The following ENTREP2 variants were observed in gnomAD, a reference collection of about 807,000 sequenced individuals.
ENTREP2 encodes the protein protein ENTREP2.
the ENTREP2 span, among the ~76,000 whole-genome samples, chr15:29,326,650 C>T: frequency 6.6e-6 from 1 of 152,038 alleles, no homozygotes; most frequent in Non-Finnish European, 1.5e-5. Flanking sequence ...TCAACTAGAT[C>T]TATAAATCCA....
the ENTREP2 span, among the ~76,000 whole-genome samples, chr15:29,507,020 T>C: frequency 6.6e-6 from 1 of 151,976 alleles, no homozygotes; most frequent in Non-Finnish European, 1.5e-5. Context: ...CCATCTCACA[T>C]GCAAAGACAC....
the ENTREP2 span, among the ~76,000 whole-genome samples, chr15:29,604,409 A>C: frequency 6.6e-6 from 1 of 152,212 alleles, no homozygotes; most frequent in East Asian, 1.9e-4. Flanking sequence ...GAGCAGAAAA[A>C]AAGAATTTGT....
At chr15:29,453,657 G>A in the ENTREP2 span, among the ~76,000 whole-genome samples, 2 of 152,152 alleles carry the variant, frequency 1.3e-5, no homozygotes, top group Non-Finnish European at 2.9e-5. Flanking sequence ...AAGAAATAAC[G>A]TATATCACCA....
At chr15:29,161,665 A>G in the ENTREP2 span, among the ~76,000 whole-genome samples, 1 of 152,222 alleles carries the variant, frequency 6.6e-6, no homozygotes, top group Non-Finnish European at 1.5e-5. Context: ...GTTGCTAAAT[A>G]TTTGAAATTT....
At chr15:29,453,037 T>C in the ENTREP2 span, among the ~76,000 whole-genome samples, 4,524 of 152,284 alleles carry the variant, frequency 0.03, 91 homozygotes, top group Non-Finnish European at 0.045. Flanking sequence ...GCCTCCCTGC[T>C]TCCTGCCCTT....
chr15:29,530,338 C>T, the ENTREP2 span, among the ~76,000 whole-genome samples: 4 of 152,054 alleles, frequency 2.6e-5, no homozygotes, highest in African/African-American at 9.7e-5. Context: ...GGAAAAGTGG[C>T]CAGGGATGGT....
chr15:29,377,243 G>A, the ENTREP2 span, among the ~76,000 whole-genome samples: 1 of 152,114 alleles, frequency 6.6e-6, no homozygotes, highest in Non-Finnish European at 1.5e-5. Context: ...TGCTTTCTAG[G>A]TCTTCCTTTC....
chr15:29,396,567 G>A, the ENTREP2 span, among the ~76,000 whole-genome samples: 2 of 152,112 alleles, frequency 1.3e-5, no homozygotes, highest in Non-Finnish European at 2.9e-5. Context: ...TGGGTTGCCT[G>A]TTTACTCTCT....
chr15:29,586,332 A>G, the ENTREP2 span, among the ~76,000 whole-genome samples: 1 of 152,172 alleles, frequency 6.6e-6, no homozygotes, highest in African/African-American at 2.4e-5. Context: ...ATCTCTACTA[A>G]TGGGTAGAGG....
chr15:29,556,431 T>C, the ENTREP2 span, among the ~76,000 whole-genome samples: 15 of 152,352 alleles, frequency 9.8e-5, no homozygotes, highest in African/African-American at 3.6e-4. Flanking sequence ...GCAGTCATTC[T>C]TCACAAGGAA....
chr15:29,513,218 G>T, the ENTREP2 span, among the ~76,000 whole-genome samples: 1 of 152,124 alleles, frequency 6.6e-6, no homozygotes, highest in African/African-American at 2.4e-5. Flanking sequence ...CACAAGGGCC[G>T]CCTGCTTTGA....
chr15:29,286,780 T>C, the ENTREP2 span, among the ~76,000 whole-genome samples: 8 of 152,226 alleles, frequency 5.3e-5, no homozygotes, highest in Admixed American at 2.0e-4. Flanking sequence ...TGTAATTGAG[T>C]GTCCTGTTTT....
At chr15:29,206,244 A>G in the ENTREP2 span, among the ~76,000 whole-genome samples, 1 of 152,150 alleles carries the variant, frequency 6.6e-6, no homozygotes, top group African/African-American at 2.4e-5. Context: ...GGCAGAAGAG[A>G]CAAGGCAGTT....
chr15:29,577,736 G>T, the ENTREP2 span, among the ~76,000 whole-genome samples: 2 of 152,170 alleles, frequency 1.3e-5, no homozygotes, highest in Non-Finnish European at 2.9e-5. Flanking sequence ...ACATACATTG[G>T]AATCTTATTC....
chr15:29,565,303 T>A, the ENTREP2 span, among the ~76,000 whole-genome samples: 1 of 152,274 alleles, frequency 6.6e-6, no homozygotes, highest in Non-Finnish European at 1.5e-5. Flanking sequence ...GTGCCTACAT[T>A]CTTTTGTGAA....
At chr15:29,597,286 G>C in the ENTREP2 span, among the ~76,000 whole-genome samples, 2 of 152,034 alleles carry the variant, frequency 1.3e-5, no homozygotes, top group Non-Finnish European at 2.9e-5. Context: ...TCCATAACTA[G>C]AGTCAGGCGC....
At chr15:29,134,584 C>A in the ENTREP2 span, among the ~76,000 whole-genome samples, 1 of 152,158 alleles carries the variant, frequency 6.6e-6, no homozygotes, top group Non-Finnish European at 1.5e-5. Flanking sequence ...CGTCTGAATG[C>A]GCTGTCCATA....
the ENTREP2 span, among the ~76,000 whole-genome samples, chr15:29,189,190 T>C: frequency 1.3e-5 from 2 of 152,200 alleles, no homozygotes. Flanking sequence ...ACCTGGGGCT[T>C]GTGACTGGCA....
chr15:29,398,946 G>C, the ENTREP2 span, among the ~76,000 whole-genome samples: 1 of 152,156 alleles, frequency 6.6e-6, no homozygotes, highest in Non-Finnish European at 1.5e-5. Flanking sequence ...TCATCAAAAG[G>C]GAAGTTCTCT....
Sources: gnomAD v4.1 joint callset for allele counts (sites outside exome capture counted in the v4.1 genomes callset) on GRCh38, gnomAD v4.1.1 for gene constraint, MANE v1.5 for transcripts, NCBI Gene and HGNC (gene_info 2026-07-23, HGNC 2026-07-21) for gene names.